Variants in PCDH15 observed in about 807,000 individuals in gnomAD.
The protein encoded by PCDH15 is protocadherin related 15.
PCDH15 carries 129 observed loss-of-function variants against 178.5 expected under a neutral mutation model. That is an observed-to-expected ratio of 0.72 (90% CI 0.63 to 0.84). The LOEUF is 0.84. PCDH15 is among the 40% of genes least tolerant of loss of function. The probability of loss-of-function intolerance (pLI) is 0.00; values close to 1 mark genes in which losing one functional copy is unlikely to be tolerated. For synonymous variants in PCDH15, 800 were observed against 732.0 expected (o/e 1.09, Z -1.50); for missense variants, 2,230 against 2,099.9 (o/e 1.06, Z -1.21).
chr10:54,299,981 T>C (rs2060047669), intron 8 of PCDH15, among the ~76,000 whole-genome samples: 1 of 152,152 alleles, frequency 6.6e-6, no homozygotes, highest in Admixed American at 6.5e-5. Context: ...ATATGTATTA[T>C]CCTGCTACCA....
intron 1 of PCDH15, among the ~76,000 whole-genome samples, chr10:54,759,635 T>C (rs988394311): frequency 1.3e-5 from 2 of 152,198 alleles, no homozygotes; most frequent in Non-Finnish European, 2.9e-5. Context: ...CAGCGTATTT[T>C]TAAAATTGTT....
At chr10:54,732,753 C>A (rs112740894) in intron 1 of PCDH15, among the ~76,000 whole-genome samples, 1 of 151,490 alleles carries the variant, frequency 6.6e-6, no homozygotes, top group African/African-American at 2.4e-5. Context: ...ATGAACTAAT[C>A]TCTCTCATGA....
At chr10:53,961,637 A>T (rs2088326539) in intron 22 of PCDH15, 115 bp downstream of exon 22, 1 of 776,380 alleles carries the variant, frequency 1.3e-6, no homozygotes. Context: ...TTGTAATTTA[A>T]AAAAATTAAA....
intron 18 of PCDH15, among the ~76,000 whole-genome samples, chr10:54,031,438 A>G (rs1047475066): frequency 6.6e-6 from 1 of 152,020 alleles, no homozygotes; most frequent in Non-Finnish European, 1.5e-5. Flanking sequence ...TGGTGTATCC[A>G]TGTATTATGT....
intron 7 of PCDH15, among the ~76,000 whole-genome samples, chr10:54,320,377 C>A (rs12358062): frequency 0.44 from 67,369 of 151,754 alleles, 15,805 homozygotes; most frequent in Middle Eastern, 0.6. Context: ...ACACCTTCTT[C>A]TTTAGCTGTT....
chr10:53,956,198 A>G (rs2087596898), intron 23 of PCDH15, among the ~76,000 whole-genome samples: 2 of 152,196 alleles, frequency 1.3e-5, no homozygotes, highest in South Asian at 4.1e-4. Context: ...GAAATGATGC[A>G]GACCACTTAG....
intron 2 of PCDH15, among the ~76,000 whole-genome samples, chr10:54,591,710 A>T (rs2091900344): frequency 6.6e-6 from 1 of 152,216 alleles, no homozygotes; most frequent in Admixed American, 6.5e-5. Context: ...AACCAAAAAT[A>T]GGATGAAAAA....
At chr10:54,467,089 A>T (rs935653063) in intron 3 of PCDH15, among the ~76,000 whole-genome samples, 1 of 151,964 alleles carries the variant, frequency 6.6e-6, no homozygotes, top group Admixed American at 6.6e-5. Flanking sequence ...AGAAGATTAT[A>T]TCATCTGCAA....
intron 15 of PCDH15, among the ~76,000 whole-genome samples, chr10:54,106,268 G>A (rs932143442): frequency 3.3e-5 from 5 of 152,174 alleles, no homozygotes; most frequent in African/African-American, 1.2e-4. Context: ...AGATTTTAGG[G>A]TAAATGAATT....
intron 14 of PCDH15, among the ~76,000 whole-genome samples, chr10:54,134,356 AG>A (rs2133079517): frequency 1.1e-5 from 1 of 88,278 alleles, no homozygotes; most frequent in South Asian, 5.1e-4. Context: ...ATCTCCTTAA[AG>A]TAGTCCCAAA....
At chr10:54,911,600 G>A (rs899945045) in intron 2 of PCDH15, among the ~76,000 whole-genome samples, 28 of 152,128 alleles carry the variant, frequency 1.8e-4, no homozygotes, top group African/African-American at 6.8e-4. Context: ...GCATTGATAT[G>A]ATTTGGCTTT....
intron 2 of PCDH15, among the ~76,000 whole-genome samples, chr10:55,556,241 C>T (rs1479563929): frequency 6.6e-6 from 1 of 152,046 alleles, no homozygotes; most frequent in African/African-American, 2.4e-5. Context: ...TTTGATAAGA[C>T]ATGTAATAAT....
At chr10:55,026,122 C>A (rs1210100658) in intron 2 of PCDH15, among the ~76,000 whole-genome samples, 1 of 151,906 alleles carries the variant, frequency 6.6e-6, no homozygotes, top group Non-Finnish European at 1.5e-5. Context: ...TTCTACCACA[C>A]AATGTAAGTC....
intron 2 of PCDH15, among the ~76,000 whole-genome samples, chr10:55,141,645 T>C (rs1320714937): frequency 6.6e-6 from 1 of 152,130 alleles, no homozygotes; most frequent in Non-Finnish European, 1.5e-5. Context: ...AATGCTTTTA[T>C]ATTTTAAGAC....
intron 2 of PCDH15, among the ~76,000 whole-genome samples, chr10:55,124,721 A>G (rs1170915928): frequency 6.6e-6 from 1 of 152,142 alleles, no homozygotes; most frequent in Non-Finnish European, 1.5e-5. Context: ...CAATATATTG[A>G]TAAAAATATT....
intron 1 of PCDH15, among the ~76,000 whole-genome samples, chr10:55,291,606 A>G (rs901552492): frequency 6.6e-6 from 1 of 152,222 alleles, no homozygotes; most frequent in African/African-American, 2.4e-5. Context: ...TAAAGAAAAG[A>G]CAATGTAATT....
intron 26 of PCDH15, among the ~76,000 whole-genome samples, chr10:53,873,995 G>A (rs1231944646): frequency 6.6e-6 from 1 of 152,128 alleles, no homozygotes; most frequent in Non-Finnish European, 1.5e-5. Context: ...CCTGCCTCCA[G>A]AACTATGAGG....
At chr10:55,305,080 A>G (rs1038250344) in intron 1 of PCDH15, among the ~76,000 whole-genome samples, 1 of 152,200 alleles carries the variant, frequency 6.6e-6, no homozygotes, top group African/African-American at 2.4e-5. Context: ...TATTCCATCC[A>G]GAACAAAAAG....
At chr10:54,053,920 T>C (rs971880011) in intron 18 of PCDH15, among the ~76,000 whole-genome samples, 3 of 152,100 alleles carry the variant, frequency 2.0e-5, no homozygotes, top group Non-Finnish European at 4.4e-5. Context: ...ATTATGGTTG[T>C]TATGAGAGAG....
Sources: allele counts gnomAD v4.1 joint callset (sites outside exome capture counted in the v4.1 genomes callset), GRCh38; gene constraint gnomAD v4.1.1; transcripts MANE v1.5; gene names NCBI Gene and HGNC (gene_info 2026-07-23, HGNC 2026-07-21).